The following TOM1 variants were observed in gnomAD, a reference collection of about 807,000 sequenced individuals.
The protein encoded by TOM1 is target of myb1 membrane trafficking protein, also known as target of Myb protein 1.
A neutral mutation model predicts 61.3 loss-of-function variants in TOM1; 38 were observed. The observed-to-expected ratio is 0.62, with a 90% confidence interval of 0.48 to 0.81. The LOEUF is 0.81. Among genes scored for constraint, TOM1 ranks in the 40% least tolerant of loss-of-function variants. TOM1 has a pLI of 0.00. For missense variants in TOM1, 591 were observed against 659.6 expected (o/e 0.90, Z 1.14); for synonymous variants, 270 against 268.8 (o/e 1.00, Z -0.04).
intron 2 of TOM1, among the ~76,000 whole-genome samples, chr22:35,320,803 A>G (rs1182131727): frequency 6.6e-6 from 1 of 151,992 alleles, no homozygotes; most frequent in African/African-American, 2.4e-5. Context: ...ATGGTGCTAC[A>G]TACATATTGG....
chr22:35,338,239 T>A (rs1026795655), intron 11 of TOM1, among the ~76,000 whole-genome samples: 1 of 152,186 alleles, frequency 6.6e-6, no homozygotes, highest in African/African-American at 2.4e-5. Context: ...ATCTTTGTGC[T>A]GGTGAGCCAG....
At chr22:35,322,240 CA>C (rs1927858928) in intron 3 of TOM1, 7 of 577,390 alleles carry the variant, frequency 1.2e-5, no homozygotes, top group Non-Finnish European at 1.9e-5. Context: ...CCCAATCCCC[CA>C]GCATGGGAAC....
intron 13 of TOM1, 41 bp from the exon 14 acceptor site, chr22:35,346,889 G>A (rs1333215013): frequency 1.3e-6 from 2 of 1,599,432 alleles, no homozygotes; most frequent in Non-Finnish European, 1.7e-6. Flanking sequence ...CCGTACTGGG[G>A]GCCCGGCTAA....
At chr22:35,307,530 C>T (rs1044282371) in intron 1 of TOM1, among the ~76,000 whole-genome samples, 1 of 152,208 alleles carries the variant, frequency 6.6e-6, no homozygotes, top group Admixed American at 6.5e-5. Context: ...CAGCTCCGCC[C>T]CTTCCCGGCT....
chr22:35,312,025 C>T (rs1434837916), intron 1 of TOM1, among the ~76,000 whole-genome samples: 6 of 151,902 alleles, frequency 3.9e-5, no homozygotes, highest in African/African-American at 9.7e-5. Context: ...GAGGCCGAGG[C>T]GGGTGGATCA....
rs61731672 is a variant in TOM1 at position 35,322,007 on chromosome 22, G to C, written c.186G>C (p.Lys62Asn). 2 of 1,614,052 alleles carry C rather than the reference G, an allele frequency of 1.2e-6. No homozygotes were observed. Among genetic ancestry groups the C allele is most frequent in the African/African-American group, 1.3e-5 (1 of 74,914 alleles). The change falls in exon 3 of 15, where the codon AAG (lysine) becomes AAC (asparagine). Residue 62 changes from lysine (K) to asparagine (N), a missense_variant. Physicochemically the swap from Lys to Asn is moderately conservative, Grantham distance 94. Coordinates refer to ENST00000449058, the MANE Select transcript of TOM1 (RefSeq NM_005488.3). ...TAAAGAAGAGAATCGTGGGGAATAA[G>C]AACTTCCACGAGGTGATGCTGGCTC... ...RAVKKRIVGNKNFHEVMLALT... is the reference protein window; with the variant it reads ...RAVKKRIVGNNNFHEVMLALT...
chr22:35,343,570 A>G lies in TOM1; in HGVS notation c.1225-2155A>G, dbSNP rs559376152. ...CACCACACACACCTACACACACCAC[A>G]CCTACACTCATACACCTACACACAC... On this transcript the variant is annotated intron_variant, in intron 12 of 14. Coordinates refer to ENST00000449058, the MANE Select transcript of TOM1 (RefSeq NM_005488.3). 2.6e-5 allele frequency among the ~76,000 whole-genome samples: 3 copies of G among 117,456 alleles called. No homozygotes were observed. The East Asian group carries it at 7.6e-4, about 30-fold the overall frequency. The allele number at this position is 117,456 out of a possible 152,430, so 77.1% of individuals were successfully genotyped here. A position where few individuals can be genotyped will look rare whatever the true frequency, so the allele number is the denominator to read the frequency against.
At chr22:35,337,000 G>A (rs138792) in intron 11 of TOM1, among the ~76,000 whole-genome samples, 74,604 of 150,200 alleles carry the variant, frequency 0.5, 20,313 homozygotes, top group South Asian at 0.63. Flanking sequence ...GAGTGCAGTG[G>A]CGCTTGCAGA....
rs1227116480 is a variant in TOM1 at position 35,330,431 on chromosome 22, C to T, written c.850C>T (p.Leu284=). The T allele has an allele frequency of 6.2e-7, 1 of 1,613,652 alleles. No individual in the cohort carries two copies. Residue 284 remains leucine, a synonymous_variant, in exon 8 of 15, where the codon CTG becomes TTG. Coordinates refer to ENST00000449058, the MANE Select transcript of TOM1 (RefSeq NM_005488.3). ...CGCCAATGAGCAGCTGACAGAGGAGCTGCTCATCGTCAATGACAATCTCAA... is the reference window on the plus strand; with the variant it reads ...CGCCAATGAGCAGCTGACAGAGGAGTTGCTCATCGTCAATGACAATCTCAA... ...QIANEQLTEE[L]LIVNDNLNNV...
At position 35,338,741 on chromosome 22, in the gene TOM1, G is replaced by C. The variant is rs749433167; in HGVS notation, c.1177G>C (p.Asp393His). ...EVKYEAPQAT[D>H]GLAGALDARQ... ...AAAATACGAAGCCCCCCAAGCAACA[G>C]ACGGCCTGGCTGGAGCCCTGGACGC... The change falls in exon 12 of 15, where the codon GAC (aspartate) becomes CAC (histidine). Residue 393 changes from aspartate to histidine, a missense_variant. Transcript: ENST00000449058. The C allele has an allele frequency of 1.3e-6, 2 of 1,599,498 alleles. No individual in the cohort carries two copies. The highest frequency in any genetic ancestry group is 4.5e-5 in the East Asian group (2 of 44,160).
At chr22:35,306,191 C>T (rs1399594609) in intron 1 of TOM1, among the ~76,000 whole-genome samples, 1 of 151,854 alleles carries the variant, frequency 6.6e-6, no homozygotes, top group East Asian at 1.9e-4. Context: ...ATCTGTAGCT[C>T]GAGTACCATA....
chr22:35,337,478 TG>T (rs1217913859), intron 11 of TOM1, among the ~76,000 whole-genome samples: 1 of 152,186 alleles, frequency 6.6e-6, no homozygotes, highest in Non-Finnish European at 1.5e-5. Flanking sequence ...TTGCCATGGA[TG>T]GGAGCCGTGT....
intron 2 of TOM1, among the ~76,000 whole-genome samples, chr22:35,319,887 C>G (rs568699041): frequency 6.6e-6 from 1 of 152,318 alleles, no homozygotes; most frequent in African/African-American, 2.4e-5. Context: ...CTGACCGCCT[C>G]CATAGCTCTA....
chr22:35,321,935 C>T, intron 2 of TOM1, 24 bp from the exon 3 acceptor site: 3 of 1,609,932 alleles, frequency 1.9e-6, no homozygotes, highest in Non-Finnish European at 2.6e-6. Flanking sequence ...TTCCTAAGCC[C>T]ACCCTTTTTC....
rs374115421 is a variant in TOM1 at position 35,321,976 on chromosome 22, G to A, written c.155G>A (p.Arg52Gln). 36 of 1,613,962 alleles carry A rather than the reference G, an allele frequency of 2.2e-5. No homozygotes were observed. Among genetic ancestry groups the A allele is most frequent in the African/African-American group, 4.0e-5 (3 of 74,886 alleles). The change falls in exon 3 of 15, where the codon CGA becomes CAA. Residue 52 changes from arginine to glutamine, a missense_variant. Transcript: ENST00000449058. ...ETEEGPKDAL[R>Q]AVKKRIVGNK... Reference sequence around the variant, plus strand: ...CTCCTTAGTCCCAAAGATGCCCTCCGAGCAGTAAAGAAGAGAATCGTGGGG... The same window carrying A: ...CTCCTTAGTCCCAAAGATGCCCTCCAAGCAGTAAAGAAGAGAATCGTGGGG...
chr22:35,303,623 G>A (rs773560743), intron 1 of TOM1, among the ~76,000 whole-genome samples: 9 of 149,654 alleles, frequency 6.0e-5, no homozygotes, highest in Non-Finnish European at 1.2e-4. Flanking sequence ...TCAGCCTCCC[G>A]AGTAGCTGGG....
chr22:35,321,560 G>A lies in TOM1; in HGVS notation c.138-399G>A, dbSNP rs141413174. 6.5e-3 allele frequency among the ~76,000 whole-genome samples: 989 copies of A among 152,086 alleles called. 5 individuals carry two copies. Among genetic ancestry groups the A allele is most frequent in the Non-Finnish European group, 0.01 (684 of 67,986 alleles). On this transcript the variant is annotated intron_variant, in intron 2 of 14. Transcript: ENST00000449058. ...ATTACAGGGTCATACCACCACGCCC[G>A]GCAAATTTTTGTATTTTTAGTAGAG...
Position 35,322,172 on chromosome 22 carries a change from G to A in TOM1, c.216+135G>A, listed in dbSNP as rs1009906685. The A allele has an allele frequency of 1.5e-5, 11 of 736,448 alleles. No individual in the cohort carries two copies. The African/African-American group carries it at 1.9e-4, about 13-fold the overall frequency. 45.6% of individuals were successfully genotyped at this position (736,448 alleles called of 1,614,324 possible). Reference sequence around the variant, plus strand: ...TGGAAAGGTCTGTAGGCAACGCACTGTCCTGTCTACACTGCAGGCGGATGC... The same window carrying A: ...TGGAAAGGTCTGTAGGCAACGCACTATCCTGTCTACACTGCAGGCGGATGC... On this transcript the variant is annotated intron_variant, in intron 3 of 14. Transcript: ENST00000449058.
intron 3 of TOM1, 143 bp from the exon 4 acceptor site, chr22:35,322,885 A>G: frequency 2.0e-6 from 2 of 983,194 alleles, no homozygotes; most frequent in Non-Finnish European, 1.5e-6. Flanking sequence ...CCAGTCCTCC[A>G]CATTCAAGGG....
Sources: gnomAD v4.1 joint callset for allele counts (sites outside exome capture counted in the v4.1 genomes callset) on GRCh38, gnomAD v4.1.1 for gene constraint, MANE v1.5 for transcripts, NCBI Gene and HGNC (gene_info 2026-07-23, HGNC 2026-07-21) for gene names.